CENPB: variants seen among roughly 807,000 people sequenced by gnomAD.
The protein encoded by CENPB is centromere protein B.
In CENPB, 19 loss-of-function variants were observed where a neutral mutation model predicts 41.9. The observed-to-expected ratio is 0.45, with a 90% CI of 0.32 to 0.67. The LOEUF is 0.67. Ranked by LOEUF, CENPB falls within the 30% of genes least tolerant of loss-of-function variation. The probability of loss-of-function intolerance (pLI) is 0.04; values close to 1 mark genes in which losing one functional copy is unlikely to be tolerated. For missense variants in CENPB, 614 were observed against 816.2 expected, an observed-to-expected ratio of 0.75 and a Z score of 3.02; for synonymous variants, 399 against 354.4, an observed-to-expected ratio of 1.13 and a Z score of -1.41.
Position 3,786,493 on chromosome 20 carries a change from C to A in CENPB, c.-10G>T. Reference sequence around the variant, plus strand: ...GCCTCTTGGGGCCCATCCCGGCGCGCCCCCCGCCCCGGGGCCCGGCGCCGC... The same window carrying A: ...GCCTCTTGGGGCCCATCCCGGCGCGACCCCCGCCCCGGGGCCCGGCGCCGC... On this transcript the variant is annotated 5_prime_UTR_variant, in exon 1 of 1. Transcript: ENST00000379751. 8.2e-7 allele frequency: 1 copy of A among 1,221,398 alleles called. No individual in the cohort carries two copies. The highest frequency in any genetic ancestry group is 1.1e-6 in the Non-Finnish European group (1 of 945,076). The allele number at this position is 1,221,398 out of a possible 1,614,324, so 75.7% of individuals were successfully genotyped here. A position where few individuals can be genotyped will look rare whatever the true frequency, so the allele number is the denominator to read the frequency against.
Position 3,785,525 on chromosome 20 carries a change from C to T in CENPB, c.959G>A (p.Gly320Asp). The T allele has an allele frequency of 6.3e-7, 1 of 1,597,714 alleles. No individual in the cohort carries two copies. Among genetic ancestry groups the T allele is most frequent in the Non-Finnish European group, 8.5e-7 (1 of 1,172,542 alleles). The change falls in exon 1 of 1, where the codon GGC becomes GAC. Residue 320 changes from glycine (G) to aspartate (D), a missense_variant. Coordinates refer to ENST00000379751, the MANE Select transcript of CENPB (RefSeq NM_001810.6). ...TCCCCTCTCCAGCGGATGCACGGTGCCGGGAGGGAAGAAGGCCAGCTGCAC... is the reference window on the plus strand; with the variant it reads ...TCCCCTCTCCAGCGGATGCACGGTGTCGGGAGGGAAGAAGGCCAGCTGCAC... ...RHVQLAFFPP[G>D]TVHPLERGVV...
rs116448673 is a variant in CENPB at position 3,784,843 on chromosome 20, G to T, written c.1641C>A (p.Ala547=). Residue 547 remains alanine, a synonymous_variant, in exon 1 of 1, where the codon GCC becomes GCA. Coordinates refer to ENST00000379751, the MANE Select transcript of CENPB (RefSeq NM_001810.6). This position sits in a 1 kb window ranked among gnomAD's most constrained non-coding sequence, Gnocchi z 5.2. ...TCTTGACCATGGCAAAGTAAGCCAT[G>T]GCCTCCCCAAAGCTGGGTACAGGCA... ...DEVPVPSFGE[A]MAYFAMVKRY... 6.2e-7 allele frequency: 1 copy of T among 1,613,956 alleles called. No individual in the cohort carries two copies. The highest frequency in any genetic ancestry group is 1.3e-5 in the African/African-American group (1 of 74,874).
At position 3,785,195 on chromosome 20, in the gene CENPB, T is replaced by TCCC. The variant is rs761251384; in HGVS notation, c.1286_1288dup (p.Gly429dup). 9.6e-4 allele frequency: 902 copies of TCCC among 937,538 alleles called. No individual in the cohort carries two copies. Among genetic ancestry groups the TCCC allele is most frequent in the Non-Finnish European group, 1.2e-3 (829 of 679,536 alleles). The allele number at this position is 937,538 out of a possible 1,614,324, so 58.1% of individuals were successfully genotyped here. On this transcript the variant is annotated inframe_insertion, in exon 1 of 1. Coordinates refer to ENST00000379751, the MANE Select transcript of CENPB (RefSeq NM_001810.6). ...TTCCCCCCCTTCCTCCTCCTCCTCC[T>TCCC]CCCCTTCCTCCTCCTCTTCCTCTCC...
rs1371813319 is a variant in CENPB at position 3,785,521 on chromosome 20, G to C, written c.963C>G (p.Thr321=). The change falls in exon 1 of 1, where the codon ACC becomes ACG. Residue 321 remains threonine (T), a synonymous_variant. Coordinates refer to ENST00000379751, the MANE Select transcript of CENPB (RefSeq NM_001810.6). Reference sequence around the variant, plus strand: ...CCACTCCCCTCTCCAGCGGATGCACGGTGCCGGGAGGGAAGAAGGCCAGCT... The same window carrying C: ...CCACTCCCCTCTCCAGCGGATGCACCGTGCCGGGAGGGAAGAAGGCCAGCT... The part of the protein sequence containing the change: ...HVQLAFFPPG[T]VHPLERGVVQ... 2.5e-6 allele frequency: 4 copies of C among 1,597,594 alleles called. No individual in the cohort carries two copies. Among genetic ancestry groups the C allele is most frequent in the East Asian group, 2.3e-5 (1 of 44,002 alleles).
Position 3,783,918 on chromosome 20 carries a change from G to C in CENPB, c.*766C>G, listed in dbSNP as rs2088796581. On this transcript the variant is annotated 3_prime_UTR_variant, in exon 1 of 1. Transcript: ENST00000379751. The surrounding 1 kb of genome is among the most constrained non-coding windows in gnomAD (Gnocchi z 4.2). ...GATTTATTGAAATCAAACTGGGAAA[G>C]GAGCAGCTGGACGGCTGGACTCTGG... 6.6e-6 allele frequency: 1 copy of C among 152,398 alleles called. No individual in the cohort carries two copies. The highest frequency in any genetic ancestry group is 1.5e-5 in the Non-Finnish European group (1 of 68,158). 9.4% of individuals were successfully genotyped at this position (152,398 alleles called of 1,614,324 possible).
chr20:3,784,318 G>A lies in CENPB; in HGVS notation c.*366C>T. ...CACCAAAGACCTGACGTGGATGGCA[G>A]AGGGGAGAGGCACTCTCCGGCCGGG... is the stretch of plus-strand genomic sequence containing the variant. On this transcript the variant is annotated 3_prime_UTR_variant, in exon 1 of 1. Transcript: ENST00000379751. This position sits in a 1 kb window ranked among gnomAD's most constrained non-coding sequence, Gnocchi z 5.2. 1 of 236,296 alleles carries A rather than the reference G, an allele frequency of 4.2e-6. No individual in the cohort carries two copies. The highest frequency in any genetic ancestry group is 5.2e-5 in the Admixed American group (1 of 19,376). The allele number at this position is 236,296 out of a possible 1,614,324, so 14.6% of individuals were successfully genotyped here. A position where few individuals can be genotyped will look rare whatever the true frequency, so the allele number is the denominator to read the frequency against.
chr20:3,785,706 C>T lies in CENPB; in HGVS notation c.778G>A (p.Asp260Asn). Residue 260 changes from aspartate to asparagine, a missense_variant, in exon 1 of 1, where the codon GAC becomes AAC. Asp to Asn is a conservative substitution (Grantham distance 23). Around this residue, in one of 2 missense-constraint regions of CENPB, gnomAD observed 537 missense variants for 629.4 expected, o/e 0.85. Coordinates refer to ENST00000379751, the MANE Select transcript of CENPB (RefSeq NM_001810.6). ...PRAGQAGLPC[D>N]YTANSKGGVT... ...CCACCCTTGGAGTTGGCGGTGTAGT[C>T]GCAGGGCAGGCCGGCTTGGCCTGCG... 1 of 1,608,828 alleles carries T rather than the reference C, an allele frequency of 6.2e-7. No individual in the cohort carries two copies. The highest frequency in any genetic ancestry group is 8.5e-7 in the Non-Finnish European group (1 of 1,177,616).
In CENPB at chr20:3,784,615, G is replaced by A. The variant is rs777409066; in HGVS notation, c.*69C>T. On this transcript the variant is annotated 3_prime_UTR_variant, in exon 1 of 1. Transcript: ENST00000379751. This position sits in a 1 kb window ranked among gnomAD's most constrained non-coding sequence, Gnocchi z 5.2. ...CACTCTGGCTCCATGCACAGCGGGT[G>A]CCCAGAGAGTCCTCTGCCCTGGGGT... 2.0e-6 allele frequency: 3 copies of A among 1,531,554 alleles called. No individual in the cohort carries two copies. Among genetic ancestry groups the A allele is most frequent in the East Asian group, 2.2e-5 (1 of 44,492 alleles). 94.9% of individuals were successfully genotyped at this position (1,531,554 alleles called of 1,614,324 possible). A position where few individuals can be genotyped will look rare whatever the true frequency, so the allele number is the denominator to read the frequency against.
chr20:3,784,930 G>A lies in CENPB; in HGVS notation c.1554C>T (p.Asp518=), dbSNP rs573021043. ...CATCTTCATCATCCTCTTCCTCATC[G>A]TCCTCTTCCTCACTGTCTGAATCAG... ...EDSDSDSEEE[D]DEEEDDEDED... The change falls in exon 1 of 1, where the codon GAC becomes GAT. Residue 518 remains aspartate (D), a synonymous_variant. Coordinates refer to ENST00000379751, the MANE Select transcript of CENPB (RefSeq NM_001810.6). The surrounding 1 kb of genome is among the most constrained non-coding windows in gnomAD (Gnocchi z 5.2). 5.3e-5 allele frequency: 85 copies of A among 1,613,166 alleles called. No individual in the cohort carries two copies. Among genetic ancestry groups the A allele is most frequent in the Admixed American group, 2.8e-4 (17 of 59,926 alleles).
chr20:3,785,380 C>T lies in CENPB; in HGVS notation c.1104G>A (p.Val368=). The change falls in exon 1 of 1, where the codon GTG becomes GTA. Residue 368 remains valine (V), a synonymous_variant. Coordinates refer to ENST00000379751, the MANE Select transcript of CENPB (RefSeq NM_001810.6). ...GCTCCACTGCCTGCCAGGCGGCAGC[C>T]ACAAAGTGCAGGGCCTCCGTGAGAC... ...QLGLTEALHF[V]AAAWQAVEPS... The T allele has an allele frequency of 1.2e-6, 2 of 1,603,424 alleles. No homozygotes were observed. The highest frequency in any genetic ancestry group is 1.7e-6 in the Non-Finnish European group (2 of 1,175,804).
rs769041412 is a variant in CENPB, at chr20:3,784,867, C to A, written c.1617G>T (p.Val539=). The change falls in exon 1 of 1, where the codon GTG becomes GTT. Residue 539 remains valine, a synonymous_variant. Transcript: ENST00000379751. The surrounding 1 kb of genome is among the most constrained non-coding windows in gnomAD (Gnocchi z 5.2). ...TGGCCTCCCCAAAGCTGGGTACAGG[C>A]ACCTCATCACCATCCTCCTCATCAT... ...DDDDEEDGDE[V]PVPSFGEAMA... is the part of the protein sequence containing the mutation. The A allele has an allele frequency of 1.2e-5, 19 of 1,613,896 alleles. No homozygotes were observed. The highest frequency in any genetic ancestry group is 3.3e-5 in the Admixed American group (2 of 59,986).
chr20:3,786,303 C>T lies in CENPB; in HGVS notation c.181G>A (p.Val61Met), dbSNP rs769595472. 60 of 1,607,482 alleles carry T rather than the reference C, an allele frequency of 3.7e-5. 1 individual carries two copies. In the South Asian group the frequency reaches 6.5e-4, roughly 17 times the overall value. Residue 61 changes from valine (V) to methionine (M), a missense_variant, in exon 1 of 1, where the codon GTG becomes ATG. By Grantham distance (21) the Val-to-Met change is conservative. Coordinates refer to ENST00000379751, the MANE Select transcript of CENPB (RefSeq NM_001810.6). ...AILASERKYG[V>M]ASTCRKTNKL... The stretch of plus-strand genomic sequence containing the variant: ...TTGGTCTTGCGGCAGGTGGAGGCCA[C>T]CCCGTACTTGCGCTCCGACGCCAGG...
rs764355536 is a variant in CENPB at position 3,786,505 on chromosome 20, G to A, written c.-22C>T. 666 of 1,125,214 alleles carry A rather than the reference G, an allele frequency of 5.9e-4. No homozygotes were observed. The highest frequency in any genetic ancestry group is 4.9e-4 in the Non-Finnish European group (443 of 899,428). The allele number at this position is 1,125,214 out of a possible 1,614,324, so 69.7% of individuals were successfully genotyped here. On this transcript the variant is annotated 5_prime_UTR_variant, in exon 1 of 1. Transcript: ENST00000379751. The stretch of plus-strand genomic sequence containing the variant: ...CCATCCCGGCGCGCCCCCCGCCCCG[G>A]GGCCCGGCGCCGCCGCCGCCGCCCC...
At position 3,786,599 on chromosome 20, in the gene CENPB, A is replaced by C; in HGVS notation, c.-116T>G. Reference sequence around the variant, plus strand: ...TCTCCCGCGCGCCCCGCCCGAGACAAAGCGGCTCGCGGGCGCGGCGGCGGG... The same window carrying C: ...TCTCCCGCGCGCCCCGCCCGAGACACAGCGGCTCGCGGGCGCGGCGGCGGG... On this transcript the variant is annotated 5_prime_UTR_variant, in exon 1 of 1. Coordinates refer to ENST00000379751, the MANE Select transcript of CENPB (RefSeq NM_001810.6). 3 of 204,432 alleles carry C rather than the reference A, an allele frequency of 1.5e-5. No individual in the cohort carries two copies. The highest frequency in any genetic ancestry group is 2.5e-5 in the Non-Finnish European group (3 of 121,614). 12.7% of individuals were successfully genotyped at this position (204,432 alleles called of 1,614,324 possible). A position where few individuals can be genotyped will look rare whatever the true frequency, so the allele number is the denominator to read the frequency against.
At position 3,785,576 on chromosome 20, in the gene CENPB, G is replaced by C. The variant is rs147156312; in HGVS notation, c.908C>G (p.Ser303Cys). 1 of 1,601,478 alleles carries C rather than the reference G, an allele frequency of 6.2e-7. No individual in the cohort carries two copies. The highest frequency in any genetic ancestry group is 1.3e-5 in the African/African-American group (1 of 74,838). ...ATGCCGCAGGCCCGAGGTGTCCAAGGACTGGGCAGCCAAGCGGCCGGCCAA... is the reference window on the plus strand; with the variant it reads ...ATGCCGCAGGCCCGAGGTGTCCAAGCACTGGGCAGCCAAGCGGCCGGCCAA... ...LLLAGRLAAQ[S>C]LDTSGLRHVQ... Residue 303 changes from serine (S) to cysteine (C), a missense_variant, in exon 1 of 1, where the codon TCC (serine) becomes TGC (cysteine). Physicochemically the swap from Ser to Cys is moderately radical, Grantham distance 112. Around this residue, in one of 2 missense-constraint regions of CENPB, gnomAD observed 537 missense variants for 629.4 expected, o/e 0.85. Coordinates refer to ENST00000379751, the MANE Select transcript of CENPB (RefSeq NM_001810.6).
At position 3,785,776 on chromosome 20, in the gene CENPB, G is replaced by GCTGC; in HGVS notation, c.704_707dup (p.Ser236ArgfsTer152). Reference sequence around the variant, plus strand: ...CGGCCACCAGCGGGGGCAGCTTCTCGCTGCCGTCGGCATTGGCGCATAGCA... The same window carrying GCTGC: ...CGGCCACCAGCGGGGGCAGCTTCTCGCTGCCTGCCGTCGGCATTGGCGCATAGCA... On this transcript the variant is annotated frameshift_variant, in exon 1 of 1. Coordinates refer to ENST00000379751, the MANE Select transcript of CENPB (RefSeq NM_001810.6). LOFTEE classifies it high-confidence loss of function. 1 of 1,609,234 alleles carries GCTGC rather than the reference G, an allele frequency of 6.2e-7. No individual in the cohort carries two copies. Among genetic ancestry groups the GCTGC allele is most frequent in the South Asian group, 1.1e-5 (1 of 90,860 alleles).
Position 3,785,299 on chromosome 20 carries a change from G to T in CENPB, c.1185C>A (p.Ala395=). Residue 395 remains alanine, a synonymous_variant, in exon 1 of 1, where the codon GCC becomes GCA. Transcript: ENST00000379751. The part of the protein sequence containing the change: ...REAGFGGGPN[A]TITTSLKSEG... ...CACTCTTGAGGGAAGTGGTGATGGT[G>T]GCATTAGGGCCACCCCCAAAGCCAG... 6.3e-7 allele frequency: 1 copy of T among 1,596,118 alleles called. No homozygotes were observed.
Position 3,786,540 on chromosome 20 carries a change from GGCC to G in CENPB, c.-60_-58del. On this transcript the variant is annotated 5_prime_UTR_variant, in exon 1 of 1. Coordinates refer to ENST00000379751, the MANE Select transcript of CENPB (RefSeq NM_001810.6). ...CCGCCGCCGCCGCCCCGGGGCGGGG[GGCC>G]CGGGCCCGTGGCGGGGGGCACCTGG... The G allele has an allele frequency of 4.0e-6, 2 of 505,874 alleles. No homozygotes were observed. The highest frequency in any genetic ancestry group is 5.1e-6 in the Non-Finnish European group (2 of 395,682). The allele number at this position is 505,874 out of a possible 1,614,324, so 31.3% of individuals were successfully genotyped here.
At position 3,786,348 on chromosome 20, in the gene CENPB, G is replaced by A; in HGVS notation, c.136C>T (p.Leu46=). ...NIPPSTLSTI[L]KNKRAILASE... ...GCCAGGATGGCGCGCTTGTTCTTCA[G>A]GATCGTGCTCAGCGTGGACGGCGGG... is the stretch of plus-strand genomic sequence containing the variant. The change falls in exon 1 of 1, where the codon CTG becomes TTG. Residue 46 remains leucine (L), a synonymous_variant. Coordinates refer to ENST00000379751, the MANE Select transcript of CENPB (RefSeq NM_001810.6). 1 of 1,606,848 alleles carries A rather than the reference G, an allele frequency of 6.2e-7. No individual in the cohort carries two copies. Among genetic ancestry groups the A allele is most frequent in the African/African-American group, 1.3e-5 (1 of 74,974 alleles).
Sources: allele counts gnomAD v4.1 joint callset, GRCh38; gene constraint gnomAD v4.1.1; regional missense constraint gnomAD v4.1.1; non-coding constraint Gnocchi (gnomAD v3.1); transcripts MANE v1.5; gene names NCBI Gene and HGNC (gene_info 2026-07-23, HGNC 2026-07-21).